Variants in BRCA2 observed in about 807,000 individuals in gnomAD.
BRCA2 encodes the protein breast cancer type 2 susceptibility protein.
In BRCA2, 203 loss-of-function variants were observed where a neutral mutation model predicts 276.7. The observed-to-expected ratio is 0.73, with a 90% CI of 0.65 to 0.82. The LOEUF is 0.82. Ranked by LOEUF, BRCA2 falls within the 40% of genes least tolerant of loss-of-function variation. The pLI, the probability that BRCA2 is intolerant of heterozygous loss-of-function variation, is 0.00. For synonymous variants in BRCA2, 1,289 were observed against 1,338.4 expected (o/e 0.96, Z 0.81); for missense variants, 3,920 against 3,915.0 (o/e 1.00, Z -0.03).
At chr13:32,359,826 T>C (rs1479396363) in intron 16 of BRCA2, among the ~76,000 whole-genome samples, 2 of 152,230 alleles carry the variant, frequency 1.3e-5, no homozygotes, top group African/African-American at 4.8e-5. Context: ...GTTAGTTTTT[T>C]CTGATAATTC....
chr13:32,392,817 G>A (rs1428256630), intron 24 of BRCA2, among the ~76,000 whole-genome samples: 1 of 152,032 alleles, frequency 6.6e-6, no homozygotes, highest in African/African-American at 2.4e-5. Flanking sequence ...ATTTTACCCT[G>A]TTTCCCCTTT....
intron 13 of BRCA2, among the ~76,000 whole-genome samples, chr13:32,347,647 A>T (rs1408830182): frequency 6.6e-6 from 1 of 152,190 alleles, no homozygotes; most frequent in Non-Finnish European, 1.5e-5. Flanking sequence ...GAAAGATCAG[A>T]TACAAATCTG....
chr13:32,326,309 A>G, intron 6 of BRCA2, 27 bp downstream of exon 6: 2 of 1,601,146 alleles, frequency 1.2e-6, no homozygotes, highest in African/African-American at 2.7e-5. Flanking sequence ...GTTTATTTTT[A>G]TGACTTAGTA....
rs957961795 is a variant in BRCA2 at position 32,363,066 on chromosome 13, C to A, written c.7977-113C>A. On this transcript the variant is annotated intron_variant, in intron 17 of 26. Transcript: ENST00000380152. ...TCCTAGCTACAAAATTTTTAATTCTCAGTATTTCTTAGATAAATTCAGTTT... is the reference window on the plus strand; with the variant it reads ...TCCTAGCTACAAAATTTTTAATTCTAAGTATTTCTTAGATAAATTCAGTTT... 5 of 903,572 alleles carry A rather than the reference C, an allele frequency of 5.5e-6. No individual in the cohort carries two copies. The East Asian group carries it at 1.1e-4, about 19-fold the overall frequency. The allele number at this position is 903,572 out of a possible 1,614,324, so 56.0% of individuals were successfully genotyped here.
chr13:32,395,895 C>A (rs893332903), intron 25 of BRCA2: 1 of 183,508 alleles, frequency 5.4e-6, no homozygotes, highest in Non-Finnish European at 1.1e-5. Context: ...GAGTTGTATT[C>A]ATTATTTAGT....
At chr13:32,328,424 T>C (rs1388814545) in intron 7 of BRCA2, among the ~76,000 whole-genome samples, 5 of 152,152 alleles carry the variant, frequency 3.3e-5, no homozygotes, top group East Asian at 1.9e-4. Flanking sequence ...GTATTTTTAG[T>C]GGAGAGGAGG....
chr13:32,389,857 C>G (rs2072985354), intron 24 of BRCA2, among the ~76,000 whole-genome samples: 1 of 152,126 alleles, frequency 6.6e-6, no homozygotes, highest in Non-Finnish European at 1.5e-5. Context: ...AGTTTTTTCT[C>G]ATTTCTGTTC....
At position 32,354,836 on chromosome 13, in the gene BRCA2, C is replaced by T. The variant is rs751803680; in HGVS notation, c.7008-25C>T. ...ATTTATATGTGTACTAGTCAATAAA[C>T]TTATATATTTTCTCCCCATTGCAGC... On this transcript the variant is annotated intron_variant, in intron 13 of 26. Transcript: ENST00000380152. The T allele has an allele frequency of 7.6e-6, 11 of 1,451,780 alleles. No individual in the cohort carries two copies. Among genetic ancestry groups the T allele is most frequent in the Non-Finnish European group, 1.1e-5 (11 of 1,032,716 alleles). 89.9% of individuals were successfully genotyped at this position (1,451,780 alleles called of 1,614,324 possible).
chr13:32,335,742 A>T (rs1271437415), intron 10 of BRCA2, among the ~76,000 whole-genome samples: 1 of 152,196 alleles, frequency 6.6e-6, no homozygotes, highest in Admixed American at 6.5e-5. Flanking sequence ...TTATTAAAAA[A>T]ACAACTTAGG....
At position 32,397,940 on chromosome 13, in the gene BRCA2, TCTTC is replaced by T. The variant is rs573737764; in HGVS notation, c.9649-214_9649-211del. Among the ~76,000 whole-genome samples, 537 of 152,364 alleles carry T rather than the reference TCTTC, an allele frequency of 3.5e-3. 2 individuals are homozygous for T. Among genetic ancestry groups the T allele is most frequent in the African/African-American group, 0.013 (523 of 41,588 alleles). ...TATCTTTTACTGTGATTATTCTTCATCTTCCTTCCTTTTCATGTCATTTTATATG... is the reference window on the plus strand; with the variant it reads ...TATCTTTTACTGTGATTATTCTTCATCTTCCTTTTCATGTCATTTTATATG... On this transcript the variant is annotated intron_variant, in intron 26 of 26. Coordinates refer to ENST00000380152, the MANE Select transcript of BRCA2 (RefSeq NM_000059.4).
chr13:32,368,257 T>A (rs2072799884), intron 18 of BRCA2, among the ~76,000 whole-genome samples: 1 of 151,984 alleles, frequency 6.6e-6, no homozygotes. Context: ...CCTGACCTCG[T>A]GATCTGCCCG....
chr13:32,353,076 T>G (rs1251647877), intron 13 of BRCA2, among the ~76,000 whole-genome samples: 1 of 152,252 alleles, frequency 6.6e-6, no homozygotes, highest in Admixed American at 6.5e-5. Context: ...CTAGATCACC[T>G]GTTTGAAGAA....
chr13:32,380,369 T>C (rs1168507513), intron 24 of BRCA2, among the ~76,000 whole-genome samples: 1 of 152,114 alleles, frequency 6.6e-6, no homozygotes, highest in African/African-American at 2.4e-5. Flanking sequence ...TACTTAATTT[T>C]ATAGAAATTG....
At chr13:32,387,999 G>T (rs1488116839) in intron 24 of BRCA2, among the ~76,000 whole-genome samples, 1 of 152,070 alleles carries the variant, frequency 6.6e-6, no homozygotes, top group Non-Finnish European at 1.5e-5. Flanking sequence ...GTGGTCCCCT[G>T]GGTCCAGCTG....
At chr13:32,326,056 C>T (rs2137449021) in intron 4 of BRCA2, 45 bp from the exon 5 acceptor site, 3 of 1,540,428 alleles carry the variant, frequency 1.9e-6, no homozygotes, top group African/African-American at 1.4e-5. Context: ...TAGTTTTTGC[C>T]AGTTTTTTAA....
chr13:32,337,738 C>G lies in BRCA2; in HGVS notation c.3383C>G (p.Thr1128Ser), dbSNP rs786202970. 1 of 1,613,626 alleles carries G rather than the reference C, an allele frequency of 6.2e-7. No individual in the cohort carries two copies. The highest frequency in any genetic ancestry group is 8.5e-7 in the Non-Finnish European group (1 of 1,179,816). Residue 1128 changes from threonine (T) to serine (S), a missense_variant, in exon 11 of 27, where the codon ACT becomes AGT. Thr to Ser is a moderately conservative substitution (Grantham distance 58). This residue lies in a region of BRCA2 where 3,263 missense variants were observed against 3,156.9 expected (regional missense o/e 1.03). Transcript: ENST00000380152. ...GAATCAGGAAGTCAGTTTGAATTTA[C>G]TCAGTTTAGAAAACCAAGCTACATA... Reference protein sequence around the residue: ...LEESGSQFEFTQFRKPSYILQ... With the variant: ...LEESGSQFEFSQFRKPSYILQ...
chr13:32,321,531 A>G (rs2072306417), intron 3 of BRCA2, among the ~76,000 whole-genome samples: 1 of 152,214 alleles, frequency 6.6e-6, no homozygotes, highest in South Asian at 2.1e-4. Flanking sequence ...ACCTGCTAGA[A>G]TTGATCTATA....
In BRCA2 at chr13:32,363,371, T is replaced by A. The variant is rs1060502432; in HGVS notation, c.8169T>A (p.Asp2723Glu). 2 of 1,614,178 alleles carry A rather than the reference T, an allele frequency of 1.2e-6. No individual in the cohort carries two copies. The highest frequency in any genetic ancestry group is 1.7e-6 in the Non-Finnish European group (2 of 1,180,028). ...AAGTGGCCATTATTGAACTTACAGA[T>A]GGGTGGTATGCTGTTAAGGCCCAGT... The part of the protein sequence containing the change: ...TQKVAIIELT[D>E]GWYAVKAQLD... The change falls in exon 18 of 27, where the codon GAT (aspartate) becomes GAA (glutamate). Residue 2723 changes from aspartate (D) to glutamate (E), a missense_variant. By Grantham distance (45) the Asp-to-Glu change is conservative (BLOSUM62 2). Around this residue, in one of 2 missense-constraint regions of BRCA2, gnomAD observed 3,263 missense variants for 3,156.9 expected, o/e 1.03. Coordinates refer to ENST00000380152, the MANE Select transcript of BRCA2 (RefSeq NM_000059.4).
Position 32,398,207 on chromosome 13 carries a change from CT to C in BRCA2, c.9697del (p.Cys3233ValfsTer16). On this transcript the variant is annotated frameshift_variant, in exon 27 of 27. Transcript: ENST00000380152. LOFTEE classifies it low-confidence loss of function (END_TRUNC). ...CEIYYQSPLS[L>X]CMAKRKSVST... ...GATATATTATCAAAGTCCTTTATCA[CT>C]TTGTATGGCCAAAAGGAAGTCTGTT... is the stretch of plus-strand genomic sequence containing the variant. The C allele has an allele frequency of 6.2e-7, 1 of 1,612,766 alleles. No homozygotes were observed. The highest frequency in any genetic ancestry group is 1.1e-5 in the South Asian group (1 of 90,812).
Sources: allele counts gnomAD v4.1 joint callset (sites outside exome capture counted in the v4.1 genomes callset), GRCh38; gene constraint gnomAD v4.1.1; regional missense constraint gnomAD v4.1.1; transcripts MANE v1.5; gene names NCBI Gene and HGNC (gene_info 2026-07-23, HGNC 2026-07-21).